Variants in STAG1 observed in about 807,000 individuals in gnomAD.
STAG1 encodes the protein cohesin subunit SA-1.
Under a neutral mutation model 170.9 loss-of-function variants are expected in STAG1, and 26 were observed. The ratio of observed to expected loss-of-function variants is 0.15; its 90% CI spans 0.11 to 0.21. The LOEUF (loss-of-function observed/expected upper bound fraction) is 0.21. Among genes scored for constraint, STAG1 ranks in the 10% least tolerant of loss-of-function variants. STAG1 has a pLI of 1.00. For synonymous variants in STAG1, 514 were observed against 497.7 expected (o/e 1.03, Z -0.44); for missense variants, 964 against 1,509.5 (o/e 0.64, Z 5.99).
At chr3:136,379,568 G>A (rs910515493) in intron 22 of STAG1, among the ~76,000 whole-genome samples, 4 of 152,076 alleles carry the variant, frequency 2.6e-5, no homozygotes, top group Non-Finnish European at 4.4e-5. Context: ...AATTAGCCGC[G>A]TGTGGTGGTG....
At chr3:136,712,347 A>C (rs1242755373) in intron 1 of STAG1, among the ~76,000 whole-genome samples, 1 of 152,206 alleles carries the variant, frequency 6.6e-6, no homozygotes, top group Non-Finnish European at 1.5e-5. Context: ...AAAAGATACC[A>C]TATAAAAAGG....
At chr3:136,354,430 T>C (rs543807813) in intron 28 of STAG1, among the ~76,000 whole-genome samples, 1 of 152,138 alleles carries the variant, frequency 6.6e-6, no homozygotes, top group East Asian at 1.9e-4. Flanking sequence ...GCCTTCCAAG[T>C]AGCTTGGATT....
chr3:136,551,459 GGAGA>G (rs536566613), intron 5 of STAG1, among the ~76,000 whole-genome samples: 14 of 136,902 alleles, frequency 1.0e-4, no homozygotes, highest in Admixed American at 6.8e-4. Context: ...GGGGAAGAGG[GGAGA>G]GAGATAGGGT....
chr3:136,738,161 A>G (rs1289183274), intron 1 of STAG1, among the ~76,000 whole-genome samples: 2 of 151,692 alleles, frequency 1.3e-5, no homozygotes, highest in Non-Finnish European at 2.9e-5. Flanking sequence ...CAGGGATGGG[A>G]GCAGGGATGG....
chr3:136,683,780 T>C (rs956123227), intron 1 of STAG1, among the ~76,000 whole-genome samples: 2 of 152,090 alleles, frequency 1.3e-5, no homozygotes, highest in South Asian at 2.1e-4. Flanking sequence ...GGAGACGAAA[T>C]TGTCTTGCAG....
At chr3:136,685,613 ATGAGCTCTAAGTCT>A (rs1942493482) in intron 1 of STAG1, among the ~76,000 whole-genome samples, 1 of 152,226 alleles carries the variant, frequency 6.6e-6, no homozygotes, top group South Asian at 2.1e-4. Context: ...GCTAAAAGAA[ATGAGCTCTAAGTCT>A]TGAAAAGACA....
At chr3:136,392,593 C>T (rs563053578) in intron 22 of STAG1, among the ~76,000 whole-genome samples, 319 of 151,906 alleles carry the variant, frequency 2.1e-3, no homozygotes, top group African/African-American at 7.3e-3. Flanking sequence ...GGTGAAACCC[C>T]GTCTCTGCTA....
intron 29 of STAG1, 200 bp downstream of exon 29, chr3:136,348,958 G>T: frequency 1.7e-6 from 1 of 582,638 alleles, no homozygotes; most frequent in Non-Finnish European, 3.0e-6. Context: ...TGTGCTCCAT[G>T]CTTCCTCAAC....
chr3:136,681,212 GACTGT>G, intron 1 of STAG1, among the ~76,000 whole-genome samples: 1 of 152,270 alleles, frequency 6.6e-6, no homozygotes, highest in South Asian at 2.1e-4. Context: ...ATGCAGGGCT[GACTGT>G]ACACATAAAG....
intron 22 of STAG1, among the ~76,000 whole-genome samples, chr3:136,397,667 C>G (rs1409404319): frequency 2.6e-5 from 4 of 152,002 alleles, no homozygotes; most frequent in Non-Finnish European, 4.4e-5. Flanking sequence ...TCATTAGGAT[C>G]CCAAAATTAT....
At chr3:136,381,159 A>G (rs1937940091) in intron 22 of STAG1, among the ~76,000 whole-genome samples, 1 of 152,118 alleles carries the variant, frequency 6.6e-6, no homozygotes, top group South Asian at 2.1e-4. Context: ...TGCGTATGTG[A>G]GTTCAAAGCC....
chr3:136,345,202 G>C (rs1030635665), intron 29 of STAG1, among the ~76,000 whole-genome samples: 4 of 152,090 alleles, frequency 2.6e-5, no homozygotes, highest in African/African-American at 9.7e-5. Flanking sequence ...TGATTCTCCT[G>C]CCTCAGCCTC....
At chr3:136,383,031 C>T (rs1417572618) in intron 22 of STAG1, among the ~76,000 whole-genome samples, 1 of 152,156 alleles carries the variant, frequency 6.6e-6, no homozygotes, top group African/African-American at 2.4e-5. Context: ...TGGCCTGTTA[C>T]TATACTTCAT....
chr3:136,444,433 T>C (rs763140320), intron 14 of STAG1, among the ~76,000 whole-genome samples: 1 of 152,176 alleles, frequency 6.6e-6, no homozygotes, highest in Non-Finnish European at 1.5e-5. Flanking sequence ...GTGTTGGCAT[T>C]GTTCTGGTTT....
At chr3:136,724,492 G>C (rs1933543849) in intron 1 of STAG1, among the ~76,000 whole-genome samples, 1 of 151,350 alleles carries the variant, frequency 6.6e-6, no homozygotes, top group African/African-American at 2.4e-5. Context: ...CCTCTGCATA[G>C]GAAAACCAGA....
chr3:136,672,752 G>T (rs1378799014), intron 1 of STAG1, among the ~76,000 whole-genome samples: 1 of 152,200 alleles, frequency 6.6e-6, no homozygotes, highest in African/African-American at 2.4e-5. Context: ...CTAGTCATAT[G>T]TGCCAGTCAA....
intron 8 of STAG1, among the ~76,000 whole-genome samples, chr3:136,501,828 C>T (rs2107865587): frequency 6.6e-6 from 1 of 152,100 alleles, no homozygotes; most frequent in East Asian, 1.9e-4. Context: ...ATAAGATAGA[C>T]TAATAGTGCA....
intron 28 of STAG1, among the ~76,000 whole-genome samples, chr3:136,355,734 C>A (rs76270275): frequency 0.012 from 1,884 of 152,226 alleles, 21 homozygotes; most frequent in Non-Finnish European, 0.018. Context: ...AATGCATGAT[C>A]TCTGACCACA....
chr3:136,682,861 A>G (rs1942384755), intron 1 of STAG1, among the ~76,000 whole-genome samples: 1 of 152,234 alleles, frequency 6.6e-6, no homozygotes, highest in African/African-American at 2.4e-5. Flanking sequence ...AAAAGGCAGA[A>G]GCAACCCAAG....
Sources: gnomAD v4.1 joint callset for allele counts (sites outside exome capture counted in the v4.1 genomes callset) on GRCh38, gnomAD v4.1.1 for gene constraint, MANE v1.5 for transcripts, NCBI Gene and HGNC (gene_info 2026-07-23, HGNC 2026-07-21) for gene names.